SVIL: variants seen among roughly 807,000 people sequenced by gnomAD.
SVIL encodes the protein archvillin.
A neutral mutation model predicts 240.4 loss-of-function variants in SVIL; 101 were observed. The ratio of observed to expected loss-of-function variants is 0.42; its 90% CI spans 0.36 to 0.50. SVIL has a LOEUF of 0.50. Ranked by LOEUF, SVIL falls within the 20% of genes least tolerant of loss-of-function variation. SVIL has a pLI of 0.01. For missense variants in SVIL, 2,512 were observed against 2,818.7 expected, an observed-to-expected ratio of 0.89 and a Z score of 2.46; for synonymous variants, 999 against 1,100.0, an observed-to-expected ratio of 0.91 and a Z score of 1.82.
rs186437424 is a variant in SVIL at position 29,589,725 on chromosome 10, C to T, written c.-200-20413G>A. On this transcript the variant is annotated intron_variant, in intron 1 of 37. Transcript: ENST00000355867. Reference sequence around the variant, plus strand: ...CCTGGAACAGGGGGTCTGGAGTTGCCGAGAGACCTTGATCTACCTGGATGT... The same window carrying T: ...CCTGGAACAGGGGGTCTGGAGTTGCTGAGAGACCTTGATCTACCTGGATGT... 2.3e-3 allele frequency among the ~76,000 whole-genome samples: 345 copies of T among 152,196 alleles called. 4 individuals are homozygous for T. Among genetic ancestry groups the T allele is most frequent in the South Asian group, 0.019 (92 of 4,820 alleles).
chr10:29,478,241 G>A lies in SVIL; in HGVS notation c.5377+2296C>T, dbSNP rs1026856780. Among the ~76,000 whole-genome samples the A allele has an allele frequency of 7.9e-5, 12 of 152,162 alleles. No homozygotes were observed. The South Asian group carries it at 1.2e-3, about 16-fold the overall frequency. ...GCCACCTCTGCACAAAAGCAAAAGC[G>A]TAAGTCCACGACAGTGACTCTTTGT... On this transcript the variant is annotated intron_variant, in intron 29 of 37. Transcript: ENST00000355867.
At chr10:29,577,125 T>C (rs1167650786) in intron 1 of SVIL, among the ~76,000 whole-genome samples, 2 of 152,152 alleles carry the variant, frequency 1.3e-5, no homozygotes, top group African/African-American at 4.8e-5. Flanking sequence ...ATGATCCACC[T>C]GCCTCGGTTT....
chr10:29,533,981 C>T (rs763369232), intron 7 of SVIL, among the ~76,000 whole-genome samples: 1 of 152,206 alleles, frequency 6.6e-6, no homozygotes, highest in Admixed American at 6.5e-5. Flanking sequence ...CAAGATACAA[C>T]AATCACCTCT....
chr10:29,672,330 C>T (rs1463916481), intron 2 of SVIL, among the ~76,000 whole-genome samples: 1 of 152,144 alleles, frequency 6.6e-6, no homozygotes, highest in Non-Finnish European at 1.5e-5. Context: ...CCAGTCTCTC[C>T]TCTAGAGTGT....
chr10:29,682,548 A>G (rs1960744155), intron 2 of SVIL, among the ~76,000 whole-genome samples: 1 of 152,220 alleles, frequency 6.6e-6, no homozygotes, highest in South Asian at 2.1e-4. Context: ...CACAATTAAT[A>G]AAAGGAACCA....
chr10:29,459,649 G>C (rs1479481679), intron 36 of SVIL, among the ~76,000 whole-genome samples: 1 of 152,158 alleles, frequency 6.6e-6, no homozygotes, highest in Non-Finnish European at 1.5e-5. Flanking sequence ...GTGTGAATAT[G>C]AACAAACTAT....
At chr10:29,542,052 C>T (rs1431788882) in intron 6 of SVIL, among the ~76,000 whole-genome samples, 1 of 152,180 alleles carries the variant, frequency 6.6e-6, no homozygotes, top group Non-Finnish European at 1.5e-5. Flanking sequence ...TTAACAACAT[C>T]GCTAAGCCTG....
At chr10:29,636,931 A>G (rs552581965), upstream of SVIL, among the ~76,000 whole-genome samples, 5 of 152,110 alleles carry the variant, frequency 3.3e-5, no homozygotes, top group East Asian at 9.7e-4. Flanking sequence ...CCTCCTGAAT[A>G]TCTGGGGCTA....
intron 1 of SVIL, among the ~76,000 whole-genome samples, chr10:29,629,286 CCTT>C (rs1303316400): frequency 6.6e-6 from 1 of 152,072 alleles, no homozygotes; most frequent in Non-Finnish European, 1.5e-5. Context: ...TTGAAAGACT[CCTT>C]CTCCTCCTCG....
At position 29,480,726 on chromosome 10, in the gene SVIL, C is replaced by T; in HGVS notation, c.5188G>A (p.Val1730Met). 2 of 1,614,218 alleles carry T rather than the reference C, an allele frequency of 1.2e-6. No homozygotes were observed. Among genetic ancestry groups the T allele is most frequent in the Non-Finnish European group, 1.7e-6 (2 of 1,180,036 alleles). The change falls in exon 29 of 38, where the codon GTG (valine) becomes ATG (methionine). Residue 1730 changes from valine to methionine, a missense_variant. This residue lies in a region of SVIL where 797 missense variants were observed against 925.3 expected (regional missense o/e 0.86). Transcript: ENST00000355867. ...QTTAGTILDGVNVGRGYGLVE... is the reference protein window; with the variant it reads ...QTTAGTILDGMNVGRGYGLVE... Reference sequence around the variant, plus strand: ...AGGCCATAGCCACGGCCGACGTTCACTCCGTCCAGGATGGTGCCTGCTGTC... The same window carrying T: ...AGGCCATAGCCACGGCCGACGTTCATTCCGTCCAGGATGGTGCCTGCTGTC...
chr10:29,523,957 AC>A lies in SVIL; in HGVS notation c.2656del (p.Val886LeufsTer30). ...AAGATCTCCGGCATACATTGGAGCAACCGTGGATGCTACGGTAGACACTGAT... is the reference window on the plus strand; with the variant it reads ...AAGATCTCCGGCATACATTGGAGCAACGTGGATGCTACGGTAGACACTGAT... ...NTSVSTVAST[V>X]APMYAGDLRT... On this transcript the variant is annotated frameshift_variant, in exon 15 of 38. Transcript: ENST00000355867. LOFTEE classifies it high-confidence loss of function. The A allele has an allele frequency of 6.2e-7, 1 of 1,614,214 alleles. No homozygotes were observed. The highest frequency in any genetic ancestry group is 2.2e-5 in the East Asian group (1 of 44,882).
intron 2 of SVIL, among the ~76,000 whole-genome samples, chr10:29,678,830 T>C (rs1960403868): frequency 6.6e-6 from 1 of 152,164 alleles, no homozygotes; most frequent in Non-Finnish European, 1.5e-5. Flanking sequence ...ACATTTTAGG[T>C]TGAGGGTACC....
At chr10:29,605,252 T>C (rs1589370786) in intron 1 of SVIL, among the ~76,000 whole-genome samples, 1 of 152,244 alleles carries the variant, frequency 6.6e-6, no homozygotes, top group South Asian at 2.1e-4. Flanking sequence ...TTAAGGTTTC[T>C]ATTCTTTTGC....
intron 4 of SVIL, 30 bp downstream of exon 4, chr10:29,555,021 A>G (rs776447096): frequency 1.2e-6 from 2 of 1,612,682 alleles, no homozygotes; most frequent in Admixed American, 3.4e-5. Context: ...GCTCTCTTCT[A>G]CTTCCTAACT....
At position 29,501,276 on chromosome 10, in the gene SVIL, A is replaced by G. The variant is rs561307665; in HGVS notation, c.3517-2013T>C. Among the ~76,000 whole-genome samples, 9 of 151,626 alleles carry G rather than the reference A, an allele frequency of 5.9e-5. No homozygotes were observed. The East Asian group carries it at 1.5e-3, about 26-fold the overall frequency. On this transcript the variant is annotated intron_variant, in intron 17 of 37. Coordinates refer to ENST00000355867, the MANE Select transcript of SVIL (RefSeq NM_021738.3). Reference sequence around the variant, plus strand: ...TGGACGTGGATCAGATAAATATTGTATCAACATTAACTTCCTCCTCTTGGC... The same window carrying G: ...TGGACGTGGATCAGATAAATATTGTGTCAACATTAACTTCCTCCTCTTGGC...
intron 36 of SVIL, among the ~76,000 whole-genome samples, chr10:29,461,262 G>A (rs151213365): frequency 6.6e-6 from 1 of 152,288 alleles, no homozygotes; most frequent in Non-Finnish European, 1.5e-5. Context: ...CATAGAGCTC[G>A]TAATCCCTAG....
chr10:29,679,882 A>T (rs1191696896), intron 2 of SVIL, among the ~76,000 whole-genome samples: 5 of 123,884 alleles, frequency 4.0e-5, no homozygotes, highest in Admixed American at 1.6e-4. Flanking sequence ...ATCTAAAATT[A>T]GAAAAAAAAA....
intron 1 of SVIL, among the ~76,000 whole-genome samples, chr10:29,709,442 A>G (rs1333698717): frequency 6.6e-6 from 1 of 152,184 alleles, no homozygotes; most frequent in Non-Finnish European, 1.5e-5. Flanking sequence ...CTGTTTATCC[A>G]TGTGTTACCT....
intron 29 of SVIL, among the ~76,000 whole-genome samples, chr10:29,480,180 A>C (rs900521310): frequency 2.0e-5 from 3 of 150,020 alleles, no homozygotes; most frequent in Admixed American, 6.6e-5. Flanking sequence ...AACGACTTTA[A>C]TTGAAGCAGC....
Sources: gnomAD v4.1 joint callset for allele counts (sites outside exome capture counted in the v4.1 genomes callset) on GRCh38, gnomAD v4.1.1 for gene constraint, gnomAD v4.1.1 regional missense constraint, MANE v1.5 for transcripts, NCBI Gene and HGNC (gene_info 2026-07-23, HGNC 2026-07-21) for gene names.